The following PCDHGA7 variants were observed in gnomAD, a reference collection of about 807,000 sequenced individuals.
The protein encoded by PCDHGA7 is protocadherin gamma-A7.
A neutral mutation model predicts 58.3 loss-of-function variants in PCDHGA7; 44 were observed. The ratio of observed to expected loss-of-function variants is 0.75; its 90% confidence interval spans 0.59 to 0.97. The LOEUF (loss-of-function observed/expected upper bound fraction) is 0.97, where lower values mean the gene tolerates loss of function less well. Ranked by LOEUF, PCDHGA7 falls within the 50% of genes least tolerant of loss-of-function variation. The pLI, the probability that PCDHGA7 is intolerant of heterozygous loss-of-function variation, is 0.00. For synonymous variants in PCDHGA7, 516 were observed against 504.2 expected (o/e 1.02, Z -0.31); for missense variants, 1,266 against 1,188.7 (o/e 1.06, Z -0.96).
At chr5:141,484,931 A>ACGTT (rs1464416110) in intron 1 of PCDHGA7, 2 of 498,000 alleles carry the variant, frequency 4.0e-6, no homozygotes, top group Non-Finnish European at 7.2e-6. Flanking sequence ...TGCTGTTGGG[A>ACGTT]CGTTCTCTGC....
intron 1 of PCDHGA7, chr5:141,419,997 T>C: frequency 2.5e-6 from 4 of 1,614,088 alleles, no homozygotes; most frequent in Non-Finnish European, 3.4e-6. Flanking sequence ...GCTATTGCTC[T>C]ACGCCTGCGA....
At chr5:141,403,945 A>C in intron 1 of PCDHGA7, 3 of 1,613,926 alleles carry the variant, frequency 1.9e-6, no homozygotes, top group Non-Finnish European at 2.5e-6. Flanking sequence ...AAGGGTGGAC[A>C]AAAGTGCTCA....
chr5:141,402,209 T>A (rs2094239307), intron 1 of PCDHGA7, among the ~76,000 whole-genome samples: 1 of 152,084 alleles, frequency 6.6e-6, no homozygotes, highest in Non-Finnish European at 1.5e-5. Context: ...AATACAAAAA[T>A]TTAAAATAAA....
chr5:141,501,290 T>TACACATACACAC (rs1224133816), intron 2 of PCDHGA7, among the ~76,000 whole-genome samples: 9 of 136,158 alleles, frequency 6.6e-5, no homozygotes, highest in Admixed American at 1.6e-4. Context: ...TATTCCCTTA[T>TACACATACACAC]ACACACACAC....
Position 141,499,029 on chromosome 5 carries a change from A to AAGGAAGG in PCDHGA7, c.2483+4165_2483+4166insGGAAGGA, listed in dbSNP as rs1562187768. Among the ~76,000 whole-genome samples, 348 of 140,068 alleles carry AAGGAAGG rather than the reference A, an allele frequency of 2.5e-3. 2 individuals carry two copies. The highest frequency in any genetic ancestry group is 9.3e-3 in the African/African-American group (335 of 36,066). The allele number at this position is 140,068 out of a possible 152,430, so 91.9% of individuals were successfully genotyped here. ...GGAAGGAAGGAAGGAAGGAAGGAAG[A>AAGGAAGG]AAAGAAAGAAAAAGGGAGAAAAAAT... is the stretch of plus-strand genomic sequence containing the variant. On this transcript the variant is annotated intron_variant, in intron 2 of 3. Transcript: ENST00000518325.
intron 1 of PCDHGA7, among the ~76,000 whole-genome samples, chr5:141,462,839 T>C (rs1020663897): frequency 8.5e-5 from 13 of 152,228 alleles, no homozygotes; most frequent in Non-Finnish European, 1.5e-4. Context: ...GTAAATGTTA[T>C]ATTTTTGAGT....
chr5:141,389,993 G>GCTCT (rs1379154076), intron 1 of PCDHGA7: 4 of 1,614,016 alleles, frequency 2.5e-6, no homozygotes, highest in Non-Finnish European at 2.5e-6. Flanking sequence ...TCTTCCTCGT[G>GCTCT]GCCATGATTC....
intron 1 of PCDHGA7, chr5:141,430,946 G>C: frequency 6.2e-7 from 1 of 1,609,494 alleles, no homozygotes. Context: ...CGCGGAGCGC[G>C]GAGTCCGCAT....
intron 1 of PCDHGA7, chr5:141,420,067 A>C (rs2096463342): frequency 6.2e-7 from 1 of 1,614,034 alleles, no homozygotes; most frequent in Non-Finnish European, 8.5e-7. Flanking sequence ...CCAAGTCCGG[A>C]CCTGTGGGTC....
intron 1 of PCDHGA7, chr5:141,414,597 C>G: frequency 6.2e-7 from 1 of 1,613,972 alleles, no homozygotes; most frequent in South Asian, 1.1e-5. Context: ...GGGGTGCCTC[C>G]ATCTTCTCAG....
intron 1 of PCDHGA7, chr5:141,408,115 C>A (rs2095044760): frequency 9.6e-6 from 14 of 1,461,430 alleles, no homozygotes; most frequent in South Asian, 2.9e-5. Flanking sequence ...GGGACTCCTC[C>A]TGTCCTGGGC....
rs745778398 is a variant in PCDHGA7, at chr5:141,389,350, T to A, written c.2424+4027T>A. The A allele has an allele frequency of 1.6e-5, 26 of 1,613,964 alleles. No individual in the cohort carries two copies. Among genetic ancestry groups the A allele is most frequent in the Non-Finnish European group, 2.2e-5 (26 of 1,179,910 alleles). Reference sequence around the variant, plus strand: ...CCCAACGGCCAAGTCTCTTACTGCATCATGGCCAGTGACCTGGAGCAGCGG... The same window carrying A: ...CCCAACGGCCAAGTCTCTTACTGCAACATGGCCAGTGACCTGGAGCAGCGG... On this transcript the variant is annotated intron_variant, in intron 1 of 3. Coordinates refer to ENST00000518325, the MANE Select transcript of PCDHGA7 (RefSeq NM_018920.4).
At position 141,431,338 on chromosome 5, in the gene PCDHGA7, A is replaced by G; in HGVS notation, c.2424+46015A>G. On this transcript the variant is annotated intron_variant, in intron 1 of 3. Transcript: ENST00000518325. This position sits in a 1 kb window ranked among gnomAD's most constrained non-coding sequence, Gnocchi z 4.8. ...GAGCCGACGGTAGTAAGTACCCCGA[A>G]TTGGTGCTGAAACGCGCCCTGGACC... 1 of 1,614,068 alleles carries G rather than the reference A, an allele frequency of 6.2e-7. No homozygotes were observed. The highest frequency in any genetic ancestry group is 8.5e-7 in the Non-Finnish European group (1 of 1,180,032).
intron 1 of PCDHGA7, among the ~76,000 whole-genome samples, chr5:141,456,824 G>C (rs2098890304): frequency 6.6e-6 from 1 of 152,052 alleles, no homozygotes; most frequent in African/African-American, 2.4e-5. Flanking sequence ...ATTAGCCATC[G>C]TGGTAGTGGG....
intron 2 of PCDHGA7, among the ~76,000 whole-genome samples, chr5:141,499,612 C>T (rs1489412444): frequency 6.6e-6 from 1 of 151,968 alleles, no homozygotes; most frequent in African/African-American, 2.4e-5. Context: ...TACCCTTATC[C>T]TGTCCTTGGA....
In PCDHGA7 at chr5:141,511,405, T is replaced by C. The variant is rs1274658643; in HGVS notation, c.*232T>C. The C allele has an allele frequency of 2.2e-5, 21 of 944,066 alleles. No homozygotes were observed. In the East Asian group the frequency reaches 5.8e-4, roughly 26 times the overall value. 58.5% of individuals were successfully genotyped at this position (944,066 alleles called of 1,614,324 possible). On this transcript the variant is annotated 3_prime_UTR_variant, in exon 4 of 4. Transcript: ENST00000518325. ...CGCTGGGAACCCCCATCCAATCAACTGCTGTACCCATGGGGGTAGTGGGGT... is the reference window on the plus strand; with the variant it reads ...CGCTGGGAACCCCCATCCAATCAACCGCTGTACCCATGGGGGTAGTGGGGT...
chr5:141,468,680 C>T (rs1176643092), intron 1 of PCDHGA7: 1 of 151,074 alleles, frequency 6.6e-6, no homozygotes, highest in Non-Finnish European at 1.5e-5. Flanking sequence ...TCCTGGCTAA[C>T]ACGGTGAAAC....
intron 1 of PCDHGA7, among the ~76,000 whole-genome samples, chr5:141,461,768 C>T (rs532591390): frequency 1.3e-5 from 2 of 152,016 alleles, no homozygotes; most frequent in African/African-American, 4.8e-5. Context: ...ATTCTCCTGC[C>T]TCAGCCTCCC....
chr5:141,454,998 G>A (rs909142112), intron 1 of PCDHGA7, among the ~76,000 whole-genome samples: 1 of 151,220 alleles, frequency 6.6e-6, no homozygotes, highest in Admixed American at 6.6e-5. Flanking sequence ...ATTTTTAGTA[G>A]AGACGGGGTT....
Sources: allele counts gnomAD v4.1 joint callset (sites outside exome capture counted in the v4.1 genomes callset), GRCh38; gene constraint gnomAD v4.1.1; non-coding constraint Gnocchi (gnomAD v3.1); transcripts MANE v1.5; gene names NCBI Gene and HGNC (gene_info 2026-07-23, HGNC 2026-07-21).